The following PTPN5 variants were observed in gnomAD, a reference collection of about 807,000 sequenced individuals.
PTPN5 encodes the protein tyrosine-protein phosphatase non-receptor type 5.
A neutral mutation model predicts 73.9 loss-of-function variants in PTPN5; 29 were observed. The observed-to-expected ratio is 0.39, with a 90% CI of 0.29 to 0.54. The LOEUF is 0.54. Ranked by LOEUF, PTPN5 falls within the 20% of genes least tolerant of loss-of-function variation. PTPN5 has a pLI of 0.65. For synonymous variants in PTPN5, 267 were observed against 304.7 expected (o/e 0.88, Z 1.29); for missense variants, 652 against 751.4 (o/e 0.87, Z 1.55).
chr11:18,752,932 T>C (rs945506494), intron 3 of PTPN5, among the ~76,000 whole-genome samples: 1 of 152,178 alleles, frequency 6.6e-6, no homozygotes, highest in Non-Finnish European at 1.5e-5. Context: ...ACTGATGAGA[T>C]CCAGAGAATA....
intron 3 of PTPN5, among the ~76,000 whole-genome samples, chr11:18,748,753 A>G (rs1056617148): frequency 2.0e-5 from 3 of 152,140 alleles, no homozygotes; most frequent in Non-Finnish European, 2.9e-5. Flanking sequence ...CCTGAGTCCA[A>G]CACACATTTA....
At chr11:18,773,049 G>A (rs918368392) in intron 1 of PTPN5, among the ~76,000 whole-genome samples, 3 of 152,108 alleles carry the variant, frequency 2.0e-5, no homozygotes, top group East Asian at 1.9e-4. Context: ...GCATGTGGAC[G>A]GGCCTGGAAT....
At chr11:18,789,861 G>C (rs920566452) in intron 1 of PTPN5, among the ~76,000 whole-genome samples, 15 of 152,062 alleles carry the variant, frequency 9.9e-5, no homozygotes, top group Admixed American at 7.9e-4. Context: ...TGGGTGATGG[G>C]TGCACCAAAT....
intron 1 of PTPN5, among the ~76,000 whole-genome samples, chr11:18,776,043 G>A (rs999558402): frequency 8.5e-5 from 13 of 152,160 alleles, no homozygotes; most frequent in Non-Finnish European, 1.6e-4. Flanking sequence ...TAGAAAGGCA[G>A]GATTTTGGAG....
At chr11:18,756,641 G>A (rs897681498) in intron 3 of PTPN5, among the ~76,000 whole-genome samples, 4 of 151,756 alleles carry the variant, frequency 2.6e-5, no homozygotes, top group Admixed American at 6.6e-5. Flanking sequence ...AAACAGCACC[G>A]GCCGGGCGCG....
Position 18,744,015 on chromosome 11 carries a change from T to A in PTPN5, c.282A>T (p.Ser94=), listed in dbSNP as rs1195830994. Residue 94 remains serine (S), a synonymous_variant, in exon 4 of 15, where the codon TCA becomes TCT. Coordinates refer to ENST00000358540, the MANE Select transcript of PTPN5 (RefSeq NM_006906.2). ...VRSSLCLFAA[S]QFLLACGVLW... is the part of the protein sequence containing the mutation. ...CCTGTGCCATCCTTACCAGGAACTG[T>A]GAGGCAGCGAACAGGCACAGGCTGC... 2 of 1,599,744 alleles carry A rather than the reference T, an allele frequency of 1.3e-6. No individual in the cohort carries two copies.
intron 3 of PTPN5, among the ~76,000 whole-genome samples, chr11:18,747,157 T>A (rs1231576385): frequency 7.7e-5 from 1 of 12,904 alleles, no homozygotes; most frequent in Non-Finnish European, 2.5e-4. Flanking sequence ...GCTGCATTTT[T>A]TTTTTTTTTT....
chr11:18,791,493 CACAAAGGCGCAG>C lies in PTPN5; in HGVS notation c.-114+20_-114+31del, dbSNP rs1310440678. 1.3e-5 allele frequency: 2 copies of C among 152,150 alleles called. No homozygotes were observed. Among genetic ancestry groups the C allele is most frequent in the African/African-American group, 4.8e-5 (2 of 41,448 alleles). The allele number at this position is 152,150 out of a possible 1,614,324, so 9.4% of individuals were successfully genotyped here. ...GCGCCCTCCACCTTCCGGCTCCGCACACAAAGGCGCAGACGGAGGCGCCGCACTTACCGGCCA... is the reference window on the plus strand; with the variant it reads ...GCGCCCTCCACCTTCCGGCTCCGCACACGGAGGCGCCGCACTTACCGGCCA... On this transcript the variant is annotated intron_variant, in intron 1 of 14. Transcript: ENST00000358540.
At chr11:18,787,224 A>G (rs1054017703) in intron 1 of PTPN5, among the ~76,000 whole-genome samples, 1 of 152,172 alleles carries the variant, frequency 6.6e-6, no homozygotes, top group African/African-American at 2.4e-5. Context: ...ATCATAGTAC[A>G]GATTACTATA....
In PTPN5 at chr11:18,733,263, A is replaced by G. The variant is rs758126167; in HGVS notation, c.1190T>C (p.Met397Thr). Residue 397 changes from methionine to threonine, a missense_variant, in exon 11 of 15, where the codon ATG (methionine) becomes ACG (threonine). Physicochemically the swap from Met to Thr is moderately conservative, Grantham distance 81. Around this residue, in one of 3 missense-constraint regions of PTPN5, gnomAD observed 529 missense variants for 573.9 expected, o/e 0.92. Transcript: ENST00000358540. This position sits in a 1 kb window ranked among gnomAD's most constrained non-coding sequence, Gnocchi z 4.3. The stretch of plus-strand genomic sequence containing the variant: ...GTTCATCTCCTCGATGTTGGTGATC[A>G]TGACAATGATGGGCGTGTGCTCCTG... The part of the protein sequence containing the change: ...VWQEHTPIIV[M>T]ITNIEEMNEK... 1.2e-6 allele frequency: 2 copies of G among 1,613,850 alleles called. No individual in the cohort carries two copies. The highest frequency in any genetic ancestry group is 2.2e-5 in the East Asian group (1 of 44,878).
intron 2 of PTPN5, among the ~76,000 whole-genome samples, chr11:18,769,520 C>T (rs1422278923): frequency 1.3e-5 from 2 of 152,198 alleles, no homozygotes; most frequent in Non-Finnish European, 2.9e-5. Flanking sequence ...TCTCCTGCCT[C>T]AGCCTCCCAG....
At position 18,728,896 on chromosome 11, in the gene PTPN5, C is replaced by T; in HGVS notation, c.*38G>A. ...CCCTGGGTGAGGGCCGAGACTCAGG[C>T]TGGGCAGTGCCCAGAGAACCTTGTA... On this transcript the variant is annotated 3_prime_UTR_variant, in exon 15 of 15. Transcript: ENST00000358540. This position sits in a 1 kb window ranked among gnomAD's most constrained non-coding sequence, Gnocchi z 4.1. 6.3e-7 allele frequency: 1 copy of T among 1,594,958 alleles called. No homozygotes were observed. Among genetic ancestry groups the T allele is most frequent in the Non-Finnish European group, 8.5e-7 (1 of 1,170,732 alleles).
intron 9 of PTPN5, 24 bp downstream of exon 9, chr11:18,737,856 C>A: frequency 3.1e-6 from 5 of 1,602,364 alleles, no homozygotes; most frequent in Non-Finnish European, 4.3e-6. Context: ...CTGCCCCCAT[C>A]CCTCTGGGAC....
At chr11:18,746,124 GATA>G (rs774323112) in intron 3 of PTPN5, among the ~76,000 whole-genome samples, 7 of 141,530 alleles carry the variant, frequency 4.9e-5, no homozygotes, top group African/African-American at 1.6e-4. Flanking sequence ...GATAAATGGA[GATA>G]ATAATACATA....
At chr11:18,783,983 C>T (rs1277136532) in intron 1 of PTPN5, among the ~76,000 whole-genome samples, 2 of 152,170 alleles carry the variant, frequency 1.3e-5, no homozygotes, top group Non-Finnish European at 2.9e-5. Context: ...ACCTCCATGG[C>T]CATGCAGAAC....
At chr11:18,765,941 C>A in intron 2 of PTPN5, 58 bp from the exon 3 acceptor site, 3 of 1,297,700 alleles carry the variant, frequency 2.3e-6, no homozygotes, top group Non-Finnish European at 3.3e-6. Flanking sequence ...AGACAAAAAC[C>A]CTGAGCAAAG....
At chr11:18,773,737 T>A (rs1389719462) in intron 1 of PTPN5, among the ~76,000 whole-genome samples, 1 of 152,240 alleles carries the variant, frequency 6.6e-6, no homozygotes, top group East Asian at 1.9e-4. Flanking sequence ...ATTAAAAAAA[T>A]CAACCAGTTC....
Position 18,740,796 on chromosome 11 carries a change from G to A in PTPN5, c.726-4C>T. On this transcript the variant is annotated splice_region_variant and splice_polypyrimidine_tract_variant and intron_variant, in intron 7 of 14. Transcript: ENST00000358540. ...CAGGGAGACATTGGAACCCCTCCTG[G>A]AAGGACCAGGAAAGGGAGTGTGAGC... 6.6e-7 allele frequency: 1 copy of A among 1,508,250 alleles called. No individual in the cohort carries two copies. Among genetic ancestry groups the A allele is most frequent in the Non-Finnish European group, 8.9e-7 (1 of 1,121,462 alleles). 93.4% of individuals were successfully genotyped at this position (1,508,250 alleles called of 1,614,324 possible).
chr11:18,743,053 C>A lies in PTPN5; in HGVS notation c.422G>T (p.Trp141Leu). 2 of 1,551,578 alleles carry A rather than the reference C, an allele frequency of 1.3e-6. No individual in the cohort carries two copies. Among genetic ancestry groups the A allele is most frequent in the Non-Finnish European group, 1.7e-6 (2 of 1,146,840 alleles). The change falls in exon 6 of 15, where the codon TGG becomes TTG. Residue 141 changes from tryptophan (W) to leucine (L), a missense_variant. By Grantham distance (61) the Trp-to-Leu change is moderately conservative (BLOSUM62 -2). This residue lies in a region of PTPN5 where 529 missense variants were observed against 573.9 expected (regional missense o/e 0.92). Transcript: ENST00000358540. Reference protein sequence around the residue: ...EPTAWLDSGTWGVPSLLLVFL... With the variant: ...EPTAWLDSGTLGVPSLLLVFL... ...GACCAGCAGCAGACTGGGGACTCCC[C>A]ACGTCCCAGAGTCAAGCCAGGCCTG...
Sources: gnomAD v4.1 joint callset for allele counts (sites outside exome capture counted in the v4.1 genomes callset) on GRCh38, gnomAD v4.1.1 for gene constraint, gnomAD v4.1.1 regional missense constraint, Gnocchi (gnomAD v3.1) non-coding constraint, MANE v1.5 for transcripts, NCBI Gene and HGNC (gene_info 2026-07-23, HGNC 2026-07-21) for gene names.